GBF1: variants seen among roughly 807,000 people sequenced by gnomAD.
The protein encoded by GBF1 is golgi brefeldin A resistant guanine nucleotide exchange factor 1, also known as Golgi-specific brefeldin A-resistance guanine nucleotide exchange factor 1.
A neutral mutation model predicts 210.5 loss-of-function variants in GBF1; 114 were observed. The observed-to-expected ratio is 0.54, with a 90% confidence interval of 0.47 to 0.63. GBF1 has a LOEUF of 0.63. Ranked by LOEUF, GBF1 falls within the 30% of genes least tolerant of loss-of-function variation. GBF1 has a pLI of 0.00. For synonymous variants in GBF1, 850 were observed against 889.2 expected, an observed-to-expected ratio of 0.96 and a Z score of 0.78; for missense variants, 1,851 against 2,357.7, an observed-to-expected ratio of 0.79 and a Z score of 4.45.
chr10:102,251,051 CTAT>C, intron 1 of GBF1, among the ~76,000 whole-genome samples: 1 of 150,450 alleles, frequency 6.6e-6, no homozygotes, highest in East Asian at 1.9e-4. Context: ...CTAAAAACAG[CTAT>C]TTAGAGCCAA....
rs753694140 is a variant in GBF1, at chr10:102,314,141, C to CTTTT, written c.164-29894_164-29891dup. 9.8e-3 allele frequency among the ~76,000 whole-genome samples: 1,180 copies of CTTTT among 119,898 alleles called. 28 individuals are homozygous for CTTTT. Among genetic ancestry groups the CTTTT allele is most frequent in the African/African-American group, 0.034 (1,127 of 32,994 alleles). The allele number at this position is 119,898 out of a possible 152,430, so 78.7% of individuals were successfully genotyped here. A position where few individuals can be genotyped will look rare whatever the true frequency, so the allele number is the denominator to read the frequency against. On this transcript the variant is annotated intron_variant, in intron 3 of 39. Transcript: ENST00000369983. Reference sequence around the variant, plus strand: ...GGAAGAAGAAATCCTTTAAACATATCTTTTTTTTTTTTTTTTTTTCTGGAG... The same window carrying CTTTT: ...GGAAGAAGAAATCCTTTAAACATATCTTTTTTTTTTTTTTTTTTTTTTTCTGGAG...
chr10:102,237,618 C>T, the GBF1 span, among the ~76,000 whole-genome samples: 1 of 152,120 alleles, frequency 6.6e-6, no homozygotes, highest in Non-Finnish European at 1.5e-5. Context: ...TCAAAAACAA[C>T]ATCTACTAGA....
chr10:102,380,058 C>T (rs1472068112), intron 36 of GBF1, 104 bp downstream of exon 36: 8 of 796,302 alleles, frequency 1.0e-5, no homozygotes, highest in Non-Finnish European at 1.5e-5. Flanking sequence ...TGTAGGTGCT[C>T]ACAACCCCCC....
chr10:102,344,254 G>A, intron 4 of GBF1, 72 bp downstream of exon 4: 1 of 1,418,474 alleles, frequency 7.0e-7, no homozygotes, highest in Non-Finnish European at 9.8e-7. Context: ...CCAGGCCTTA[G>A]GCAATGAGCT....
At chr10:102,305,983 A>G (rs2133900825) in intron 3 of GBF1, among the ~76,000 whole-genome samples, 1 of 152,336 alleles carries the variant, frequency 6.6e-6, no homozygotes, top group East Asian at 1.9e-4. Context: ...GAGGGAGAGA[A>G]TGATGAATAG....
Position 102,368,218 on chromosome 10 carries a change from G to A in GBF1, c.2643G>A (p.Lys881=), listed in dbSNP as rs1251629585. 2.5e-6 allele frequency: 4 copies of A among 1,603,152 alleles called. No individual in the cohort carries two copies. The Admixed American group carries it at 5.0e-5, about 20-fold the overall frequency. The change falls in exon 22 of 40, where the codon AAG becomes AAA. Residue 881 remains lysine (K), a splice_region_variant and synonymous_variant. Transcript: ENST00000369983. The part of the protein sequence containing the change: ...DILEDMYHAI[K]NEEIVMPEEQ... ...TGCTCCTTCCCTTACCTCCTGACAGGAATGAGGAAATTGTAATGCCTGAGG... is the reference window on the plus strand; with the variant it reads ...TGCTCCTTCCCTTACCTCCTGACAGAAATGAGGAAATTGTAATGCCTGAGG...
chr10:102,286,194 G>GTTTTTTTTT (rs55904022), intron 3 of GBF1, among the ~76,000 whole-genome samples: 5 of 126,360 alleles, frequency 4.0e-5, no homozygotes, highest in African/African-American at 1.7e-4. Context: ...AAGCATAAGG[G>GTTTTTTTTT]TTTTTTTTTT....
At chr10:102,238,034 G>C in the GBF1 span, among the ~76,000 whole-genome samples, 1 of 152,158 alleles carries the variant, frequency 6.6e-6, no homozygotes, top group Non-Finnish European at 1.5e-5. Context: ...TAGGAAAGGA[G>C]AAACTATTAA....
At chr10:102,289,205 C>T (rs1365174777) in intron 3 of GBF1, among the ~76,000 whole-genome samples, 3 of 152,158 alleles carry the variant, frequency 2.0e-5, no homozygotes, top group Non-Finnish European at 4.4e-5. Context: ...CAGGCAGACC[C>T]TAAAGCTAAC....
At chr10:102,289,009 A>G (rs2076219311) in intron 3 of GBF1, among the ~76,000 whole-genome samples, 1 of 151,956 alleles carries the variant, frequency 6.6e-6, no homozygotes, top group African/African-American at 2.4e-5. Context: ...AGGCTGAGGC[A>G]TGAGAATCAC....
intron 3 of GBF1, among the ~76,000 whole-genome samples, chr10:102,298,197 T>C (rs890148196): frequency 6.6e-6 from 1 of 152,072 alleles, no homozygotes; most frequent in Admixed American, 6.6e-5. Context: ...CCTCCCAAAG[T>C]GCTGAGATTA....
chr10:102,375,587 A>T lies in GBF1; in HGVS notation c.3886+3A>T. The T allele has an allele frequency of 1.3e-6, 2 of 1,597,202 alleles. No individual in the cohort carries two copies. Among genetic ancestry groups the T allele is most frequent in the Non-Finnish European group, 1.7e-6 (2 of 1,165,184 alleles). On this transcript the variant is annotated splice_donor_region_variant and intron_variant, in intron 30 of 39. Transcript: ENST00000369983. ...CAGGGCAGATGCACCTGATGCCGGT[A>T]AGCCCTTTCCCAGGGAGACTCAGGC...
At position 102,245,551 on chromosome 10, in the gene GBF1, T is replaced by C. The variant is rs1377770916; in HGVS notation, c.-241T>C. The C allele has an allele frequency of 6.6e-6, 1 of 152,260 alleles. No homozygotes were observed. Among genetic ancestry groups the C allele is most frequent in the Non-Finnish European group, 1.5e-5 (1 of 68,092 alleles). 9.4% of individuals were successfully genotyped at this position (152,260 alleles called of 1,614,324 possible). On this transcript the variant is annotated 5_prime_UTR_variant, in exon 1 of 40. Transcript: ENST00000369983. ...GAGGCTAGTTACCACGTCAGTGAGC[T>C]GACAGGGAAGGTACCCGGCTCTACT...
intron 3 of GBF1, among the ~76,000 whole-genome samples, chr10:102,271,958 G>T (rs1358935777): frequency 6.6e-6 from 1 of 151,858 alleles, no homozygotes; most frequent in Non-Finnish European, 1.5e-5. Context: ...TTGCCATGTT[G>T]CCCAGGCCTG....
the GBF1 span, chr10:102,231,461 C>G: frequency 1.3e-5 from 8 of 629,580 alleles, no homozygotes; most frequent in Non-Finnish European, 2.1e-5. Context: ...GGGCTGCGGC[C>G]GGGAGCCAGG....
chr10:102,286,050 A>G (rs2133548966), intron 3 of GBF1, among the ~76,000 whole-genome samples: 1 of 152,260 alleles, frequency 6.6e-6, no homozygotes, highest in South Asian at 2.1e-4. Context: ...CCCCACCACA[A>G]TACACAGTGT....
chr10:102,375,098 C>T (rs1451995664), intron 29 of GBF1, among the ~76,000 whole-genome samples: 1 of 151,710 alleles, frequency 6.6e-6, no homozygotes, highest in Non-Finnish European at 1.5e-5. Flanking sequence ...CACTTGAGCC[C>T]AGGAGTTTCA....
intron 3 of GBF1, among the ~76,000 whole-genome samples, chr10:102,304,462 A>T (rs2077661207): frequency 6.6e-6 from 1 of 152,172 alleles, no homozygotes; most frequent in Admixed American, 6.6e-5. Context: ...ATTTAGGAAC[A>T]TAATCTTCAA....
chr10:102,278,017 G>A (rs1370855894), intron 3 of GBF1, among the ~76,000 whole-genome samples: 1 of 151,996 alleles, frequency 6.6e-6, no homozygotes, highest in Non-Finnish European at 1.5e-5. Context: ...AGCGTTTTGG[G>A]AGGCCAAGGC....
Sources: allele counts gnomAD v4.1 joint callset (sites outside exome capture counted in the v4.1 genomes callset), GRCh38; gene constraint gnomAD v4.1.1; transcripts MANE v1.5; gene names NCBI Gene and HGNC (gene_info 2026-07-23, HGNC 2026-07-21).